The following PHLPP1 variants were observed in gnomAD, a reference collection of about 807,000 sequenced individuals.
The protein encoded by PHLPP1 is PH domain and leucine rich repeat protein phosphatase 1.
PHLPP1 carries 42 observed loss-of-function variants against 117.2 expected under a neutral mutation model. That is an observed-to-expected ratio of 0.36 (90% CI 0.28 to 0.46). The LOEUF (loss-of-function observed/expected upper bound fraction) is 0.46, where lower values mean the gene tolerates loss of function less well. PHLPP1 is among the 20% of genes least tolerant of loss of function. PHLPP1 has a pLI of 1.00. For synonymous variants in PHLPP1, 1,042 were observed against 970.7 expected, an observed-to-expected ratio of 1.07 and a Z score of -1.37; for missense variants, 2,084 against 2,241.9, an observed-to-expected ratio of 0.93 and a Z score of 1.42.
intron 2 of PHLPP1, among the ~76,000 whole-genome samples, chr18:62,835,655 C>T (rs906359792): frequency 4.6e-5 from 7 of 151,870 alleles, no homozygotes; most frequent in Non-Finnish European, 8.8e-5. Context: ...TTACTAACAG[C>T]TTTTTCTGCA....
chr18:62,826,229 G>T, intron 1 of PHLPP1: 1 of 413,836 alleles, frequency 2.4e-6, no homozygotes, highest in South Asian at 1.8e-5. Context: ...TGAAAAGATT[G>T]AACTAGCTTA....
rs377029927 is a variant in PHLPP1 at position 62,756,063 on chromosome 18, T to A, written c.1576+38804T>A. Among the ~76,000 whole-genome samples, 220 of 151,916 alleles carry A rather than the reference T, an allele frequency of 1.4e-3. 3 individuals are homozygous for A. The East Asian group carries it at 0.033, about 23-fold the overall frequency. The stretch of plus-strand genomic sequence containing the variant: ...TCTTTGACTCATTCATTTTTTTTTT[T>A]AATAAAATGTGTTAGAACATGCTAC... On this transcript the variant is annotated intron_variant, in intron 1 of 16. Transcript: ENST00000262719.
chr18:62,834,637 A>C (rs1914843393), intron 2 of PHLPP1, among the ~76,000 whole-genome samples: 1 of 152,192 alleles, frequency 6.6e-6, no homozygotes, highest in African/African-American at 2.4e-5. Flanking sequence ...TCAGTGTACA[A>C]GTGTTGTTTC....
chr18:62,867,507 TG>T (rs1012795179), intron 4 of PHLPP1, among the ~76,000 whole-genome samples: 3 of 152,254 alleles, frequency 2.0e-5, no homozygotes, highest in African/African-American at 7.2e-5. Flanking sequence ...TTTCCTTTCT[TG>T]TGCTGGCTTG....
At chr18:62,968,450 G>A (rs74913837) in intron 14 of PHLPP1, among the ~76,000 whole-genome samples, 194 of 141,478 alleles carry the variant, frequency 1.4e-3, no homozygotes, top group African/African-American at 4.9e-3. Flanking sequence ...GGTAATTTGT[G>A]TCTTTCAAGG....
At chr18:62,747,989 GGTATAATT>G in intron 1 of PHLPP1, among the ~76,000 whole-genome samples, 1 of 152,154 alleles carries the variant, frequency 6.6e-6, no homozygotes, top group South Asian at 2.1e-4. Context: ...TTTGTGATCT[GGTATAATT>G]GTTCCATGTC....
At chr18:62,822,286 G>GTTTTTTTTTTT (rs1017764937) in intron 1 of PHLPP1, among the ~76,000 whole-genome samples, 1 of 133,114 alleles carries the variant, frequency 7.5e-6, no homozygotes, top group Non-Finnish European at 1.6e-5. Context: ...TTTTGTTTTT[G>GTTTTTTTTTTT]TTTTTTTTTT....
chr18:62,738,339 A>G (rs1462710530), intron 1 of PHLPP1, among the ~76,000 whole-genome samples: 3 of 152,190 alleles, frequency 2.0e-5, no homozygotes, highest in Non-Finnish European at 4.4e-5. Context: ...CTGGGCGACA[A>G]AGTGAGACCT....
intron 12 of PHLPP1, among the ~76,000 whole-genome samples, chr18:62,956,426 T>C (rs1008257224): frequency 6.6e-6 from 1 of 152,222 alleles, no homozygotes; most frequent in Non-Finnish European, 1.5e-5. Context: ...CACTTCTTAA[T>C]ACTATCACGT....
In PHLPP1 at chr18:62,945,170, A is replaced by G. The variant is rs758352514; in HGVS notation, c.3223A>G (p.Ile1075Val). Residue 1075 changes from isoleucine (I) to valine (V), a missense_variant, in exon 12 of 17, where the codon ATC becomes GTC. Transcript: ENST00000262719. ...IDLSGNKLKA[I>V]PTTIMNCRRM... Reference sequence around the variant, plus strand: ...TCTCAGTGGGAATAAGCTGAAAGCCATCCCAACAACGATCATGAATTGCAG... The same window carrying G: ...TCTCAGTGGGAATAAGCTGAAAGCCGTCCCAACAACGATCATGAATTGCAG... 5 of 1,613,170 alleles carry G rather than the reference A, an allele frequency of 3.1e-6. No individual in the cohort carries two copies. Among genetic ancestry groups the G allele is most frequent in the Non-Finnish European group, 4.2e-6 (5 of 1,179,636 alleles).
intron 1 of PHLPP1, among the ~76,000 whole-genome samples, chr18:62,784,201 T>G (rs1429647826): frequency 1.3e-5 from 2 of 152,218 alleles, no homozygotes; most frequent in African/African-American, 4.8e-5. Context: ...ATCTGGAGAC[T>G]TTTTCATTGT....
chr18:62,962,351 A>C (rs1353846283), intron 13 of PHLPP1, among the ~76,000 whole-genome samples: 1 of 152,138 alleles, frequency 6.6e-6, no homozygotes, highest in Non-Finnish European at 1.5e-5. Flanking sequence ...CTTGTTGCCC[A>C]GGCTGGAGTG....
At chr18:62,856,039 G>A (rs1915488782) in intron 3 of PHLPP1, among the ~76,000 whole-genome samples, 2 of 152,126 alleles carry the variant, frequency 1.3e-5, no homozygotes, top group Admixed American at 6.5e-5. Context: ...AAATTCCATG[G>A]TACAGTAGGC....
chr18:62,747,992 A>G (rs1911727657), intron 1 of PHLPP1, among the ~76,000 whole-genome samples: 1 of 152,188 alleles, frequency 6.6e-6, no homozygotes, highest in African/African-American at 2.4e-5. Context: ...GTGATCTGGT[A>G]TAATTGTTCC....
At chr18:62,938,551 G>T (rs1278604219) in intron 10 of PHLPP1, among the ~76,000 whole-genome samples, 1 of 152,106 alleles carries the variant, frequency 6.6e-6, no homozygotes, top group African/African-American at 2.4e-5. Flanking sequence ...TAGTCCAATT[G>T]TTTGCTCTTT....
intron 16 of PHLPP1, among the ~76,000 whole-genome samples, chr18:62,976,113 A>G (rs1911178527): frequency 2.0e-5 from 3 of 152,222 alleles, no homozygotes; most frequent in Admixed American, 2.0e-4. Flanking sequence ...TTCATACCTC[A>G]TGTCCCATTT....
Position 62,813,647 on chromosome 18 carries a change from A to T in PHLPP1, c.1577-16388A>T, listed in dbSNP as rs1185135847. Among the ~76,000 whole-genome samples, 7 of 152,146 alleles carry T rather than the reference A, an allele frequency of 4.6e-5. No individual in the cohort carries two copies. In the South Asian group the frequency reaches 1.5e-3, roughly 32 times the overall value. On this transcript the variant is annotated intron_variant, in intron 1 of 16. Coordinates refer to ENST00000262719, the MANE Select transcript of PHLPP1 (RefSeq NM_194449.4). ...TGGTGGGTCTCAAGTTGTGGTCCCCACACCTGCAACATCTGCAAAATCTCA... is the reference window on the plus strand; with the variant it reads ...TGGTGGGTCTCAAGTTGTGGTCCCCTCACCTGCAACATCTGCAAAATCTCA...
intron 4 of PHLPP1, among the ~76,000 whole-genome samples, chr18:62,891,908 A>G (rs1167765224): frequency 5.3e-5 from 8 of 150,252 alleles, no homozygotes; most frequent in South Asian, 2.1e-4. Flanking sequence ...AAAAAAAAAA[A>G]AAAAAGAAAG....
intron 4 of PHLPP1, among the ~76,000 whole-genome samples, chr18:62,861,000 A>G (rs1002776326): frequency 6.6e-6 from 1 of 152,250 alleles, no homozygotes; most frequent in Non-Finnish European, 1.5e-5. Context: ...CCATAAAAAG[A>G]TATTTCCTTA....
Sources: gnomAD v4.1 joint callset for allele counts (sites outside exome capture counted in the v4.1 genomes callset) on GRCh38, gnomAD v4.1.1 for gene constraint, MANE v1.5 for transcripts, NCBI Gene and HGNC (gene_info 2026-07-23, HGNC 2026-07-21) for gene names.